ITGB4: variants seen among roughly 807,000 people sequenced by gnomAD.
The protein encoded by ITGB4 is integrin subunit beta 4.
ITGB4 carries 159 observed loss-of-function variants against 207.6 expected under a neutral mutation model. The observed-to-expected ratio is 0.77, with a 90% CI of 0.67 to 0.87. The LOEUF is 0.87. Among genes scored for constraint, ITGB4 ranks in the 40% least tolerant of loss-of-function variants. The probability of loss-of-function intolerance (pLI) is 0.00; values close to 1 mark genes in which losing one functional copy is unlikely to be tolerated. For synonymous variants in ITGB4, 1,020 were observed against 1,062.7 expected (o/e 0.96, Z 0.78); for missense variants, 2,278 against 2,546.8 (o/e 0.89, Z 2.27).
In ITGB4 at chr17:75,740,976, C is replaced by A. The variant is rs768051397; in HGVS notation, c.2610-6C>A. 1.6e-5 allele frequency: 26 copies of A among 1,613,886 alleles called. No homozygotes were observed. The South Asian group carries it at 2.9e-4, about 18-fold the overall frequency. On this transcript the variant is annotated splice_region_variant and splice_polypyrimidine_tract_variant and intron_variant, in intron 22 of 39. Transcript: ENST00000200181. The surrounding 1 kb of genome is among the most constrained non-coding windows in gnomAD (Gnocchi z 5.9). ...CTAGCTCACAGCGCCCTCTTTGTCC[C>A]CACAGGCAGCAGCCCAATGCCGGGA... is the stretch of plus-strand genomic sequence containing the variant.
rs2061342236 is a variant in ITGB4 at position 75,750,467 on chromosome 17, C to T, written c.3474+199C>T. ...CCTGAGTTTATCAGACATTTGCCCTCCTTCCTAGAATGGGGCCCCCTCCCA... is the reference window on the plus strand; with the variant it reads ...CCTGAGTTTATCAGACATTTGCCCTTCTTCCTAGAATGGGGCCCCCTCCCA... On this transcript the variant is annotated intron_variant, in intron 28 of 39. Transcript: ENST00000200181. The surrounding 1 kb of genome is among the most constrained non-coding windows in gnomAD (Gnocchi z 5.5). Among the ~76,000 whole-genome samples, 1 of 152,134 alleles carries T rather than the reference C, an allele frequency of 6.6e-6. No individual in the cohort carries two copies. Among genetic ancestry groups the T allele is most frequent in the Non-Finnish European group, 1.5e-5 (1 of 68,010 alleles).
chr17:75,754,958 ACACGCATGCACACATG>A, intron 34 of ITGB4, 143 bp downstream of exon 34: 4 of 1,454,774 alleles, frequency 2.7e-6, no homozygotes, highest in Non-Finnish European at 3.7e-6. Flanking sequence ...ACACACGTGC[ACACGCATGCACACATG>A]TACACAGACA....
Position 75,757,666 on chromosome 17 carries a change from A to G in ITGB4, c.*111A>G. 2.8e-6 allele frequency: 4 copies of G among 1,454,072 alleles called. No homozygotes were observed. The highest frequency in any genetic ancestry group is 2.0e-4 in the Middle Eastern group (1 of 5,112). The allele number at this position is 1,454,072 out of a possible 1,614,324, so 90.1% of individuals were successfully genotyped here. A position where few individuals can be genotyped will look rare whatever the true frequency, so the allele number is the denominator to read the frequency against. ...ACCCCTGGGGGCCCAGCCCACCCGC[A>G]TGCACAGAGCAGGGGCTAGGTGTCT... is the stretch of plus-strand genomic sequence containing the variant. On this transcript the variant is annotated 3_prime_UTR_variant, in exon 40 of 40. Coordinates refer to ENST00000200181, the MANE Select transcript of ITGB4 (RefSeq NM_000213.5).
intron 9 of ITGB4, 32 bp downstream of exon 9, chr17:75,730,996 C>T: frequency 6.3e-7 from 1 of 1,584,416 alleles, no homozygotes; most frequent in Non-Finnish European, 8.7e-7. Context: ...GAGTCTGAGC[C>T]CTTCTGGGGC....
At chr17:75,733,381 G>A (rs2060904516) in intron 12 of ITGB4, 109 bp from the exon 13 acceptor site, 5 of 896,948 alleles carry the variant, frequency 5.6e-6, no homozygotes, top group African/African-American at 3.7e-5. Context: ...GCGAGACTCC[G>A]TCTCAAAAAA....
chr17:75,753,793 G>T lies in ITGB4; in HGVS notation c.4137G>T (p.Leu1379=). The T allele has an allele frequency of 6.9e-6, 10 of 1,459,708 alleles. No individual in the cohort carries two copies. Among genetic ancestry groups the T allele is most frequent in the Non-Finnish European group, 9.0e-6 (10 of 1,105,880 alleles). The allele number at this position is 1,459,708 out of a possible 1,614,324, so 90.4% of individuals were successfully genotyped here. A position where few individuals can be genotyped will look rare whatever the true frequency, so the allele number is the denominator to read the frequency against. ...TGCGWKFEPL[L]GEELDLRRVT... is the part of the protein sequence containing the mutation. ...GCGGCTGGAAGTTCGAGCCCCTGCT[G>T]GGGGAGGAGCTGGACCTGCGGCGCG... Residue 1379 remains leucine, a synonymous_variant, in exon 33 of 40, where the codon CTG becomes CTT. Transcript: ENST00000200181.
chr17:75,733,489 GGA>G lies in ITGB4; in HGVS notation c.1456_1457del (p.Ser486TrpfsTer13). 1 of 1,612,874 alleles carries G rather than the reference GGA, an allele frequency of 6.2e-7. No homozygotes were observed. The highest frequency in any genetic ancestry group is 8.5e-7 in the Non-Finnish European group (1 of 1,180,014). On this transcript the variant is annotated frameshift_variant and splice_region_variant, in exon 13 of 40. Transcript: ENST00000200181. LOFTEE classifies it high-confidence loss of function. The stretch of plus-strand genomic sequence containing the variant: ...CGGGGAATGACCAGTTCCTCCTTCA[GGA>G]GTGGCCAGACCTGCAACTGCTCCAC...
rs1339118148 is a variant in ITGB4 at position 75,727,539 on chromosome 17, C to T, written c.264+34C>T. 5.6e-6 allele frequency: 9 copies of T among 1,607,738 alleles called. No individual in the cohort carries two copies. Among genetic ancestry groups the T allele is most frequent in the Non-Finnish European group, 7.6e-6 (9 of 1,176,654 alleles). On this transcript the variant is annotated intron_variant, in intron 4 of 39. Coordinates refer to ENST00000200181, the MANE Select transcript of ITGB4 (RefSeq NM_000213.5). This position sits in a 1 kb window ranked among gnomAD's most constrained non-coding sequence, Gnocchi z 6.0. ...TGTGGGGACTGGGGTGGGGGCTCCCCATGCTCAGCCTGGCTATTTATGGGG... is the reference window on the plus strand; with the variant it reads ...TGTGGGGACTGGGGTGGGGGCTCCCTATGCTCAGCCTGGCTATTTATGGGG...
chr17:75,753,958 A>T lies in ITGB4; in HGVS notation c.4302A>T (p.Thr1434=). 7.9e-7 allele frequency: 1 copy of T among 1,263,452 alleles called. No homozygotes were observed. The highest frequency in any genetic ancestry group is 1.6e-5 in the African/African-American group (1 of 64,034). The allele number at this position is 1,263,452 out of a possible 1,614,324, so 78.3% of individuals were successfully genotyped here. A position where few individuals can be genotyped will look rare whatever the true frequency, so the allele number is the denominator to read the frequency against. ...GCGGCAGCCTGCCCCGCAGTGCGAC[A>T]CCCGGGCCCCCCGGAGGTGACAGGC... ...GKGGSLPRSA[T]PGPPGEHLVN... is the part of the protein sequence containing the mutation. The change falls in exon 33 of 40, where the codon ACA becomes ACT. Residue 1434 remains threonine, a synonymous_variant. Coordinates refer to ENST00000200181, the MANE Select transcript of ITGB4 (RefSeq NM_000213.5).
chr17:75,730,201 C>T, intron 7 of ITGB4, 40 bp from the exon 8 acceptor site: 3 of 1,610,422 alleles, frequency 1.9e-6, no homozygotes, highest in Non-Finnish European at 2.5e-6. Flanking sequence ...TGTCAGCAGG[C>T]AGCCTGCTCA....
Position 75,733,579 on chromosome 17 carries a change from G to A in ITGB4, c.1544G>A (p.Arg515His), listed in dbSNP as rs61735297. ...REGEDKPCSGRGECQCGHCVC... is the reference protein window; with the variant it reads ...REGEDKPCSGHGECQCGHCVC... The stretch of plus-strand genomic sequence containing the variant: ...GGCGAGGACAAGCCGTGCTCCGGCC[G>A]TGGGGAGTGCCAGTGCGGGCACTGT... Residue 515 changes from arginine (R) to histidine (H), a missense_variant, in exon 13 of 40, where the codon CGT (arginine) becomes CAT (histidine). Arg to His is a conservative substitution (Grantham distance 29). Transcript: ENST00000200181. 0.015 allele frequency: 24,436 copies of A among 1,614,068 alleles called. 271 individuals are homozygous for A. The highest frequency in any genetic ancestry group is 0.023 in the Middle Eastern group (141 of 6,060).
intron 1 of ITGB4, among the ~76,000 whole-genome samples, chr17:75,723,808 G>A (rs1040038060): frequency 1.3e-5 from 2 of 152,230 alleles, no homozygotes; most frequent in Non-Finnish European, 2.9e-5. Context: ...AAAGAGGCGC[G>A]GTGCTCACCT....
At chr17:75,754,047 C>T (rs2061430499) in intron 33 of ITGB4, 73 bp downstream of exon 33, 2 of 701,054 alleles carry the variant, frequency 2.9e-6, no homozygotes, top group South Asian at 4.9e-5. Context: ...CTGGGGTGGG[C>T]GTCTGCGCTG....
intron 38 of ITGB4, 27 bp downstream of exon 38, chr17:75,757,134 C>T: frequency 6.2e-7 from 1 of 1,612,876 alleles, no homozygotes; most frequent in Non-Finnish European, 8.5e-7. Flanking sequence ...TCCTTCACCC[C>T]CACCCCTCCT....
intron 33 of ITGB4, 47 bp from the exon 34 acceptor site, chr17:75,754,529 C>T (rs200717512): frequency 3.1e-5 from 50 of 1,611,568 alleles, no homozygotes; most frequent in African/African-American, 1.6e-4. Context: ...CCACGGGGCC[C>T]GGGTCTGGGG....
rs1320223168 is a variant in ITGB4, at chr17:75,755,727, G to A, written c.4585G>A (p.Asp1529Asn). Residue 1529 changes from aspartate to asparagine, a missense_variant, in exon 35 of 40, where the codon GAC (aspartate) becomes AAC (asparagine). By Grantham distance (23) the Asp-to-Asn change is conservative. Coordinates refer to ENST00000200181, the MANE Select transcript of ITGB4 (RefSeq NM_000213.5). ...CTCTCGCCTGACTGCTGGTGTGCCC[G>A]ACACGCCCACCCGCCTGGTGTTCTC... ...HDSRLTAGVP[D>N]TPTRLVFSAL... 1.2e-5 allele frequency: 20 copies of A among 1,612,886 alleles called. No individual in the cohort carries two copies. The highest frequency in any genetic ancestry group is 1.7e-5 in the Admixed American group (1 of 60,020).
In ITGB4 at chr17:75,737,530, C is replaced by G. The variant is rs1180761058; in HGVS notation, c.2114-8C>G. ...AGGCACCACCTCCCCCTGCCTCCTC[C>G]TCTCCAGACTGCCCTCCGGGCTCCT... On this transcript the variant is annotated splice_region_variant and splice_polypyrimidine_tract_variant and intron_variant, in intron 17 of 39. Coordinates refer to ENST00000200181, the MANE Select transcript of ITGB4 (RefSeq NM_000213.5). 1.3e-6 allele frequency: 2 copies of G among 1,566,408 alleles called. No homozygotes were observed. Among genetic ancestry groups the G allele is most frequent in the Non-Finnish European group, 1.7e-6 (2 of 1,156,172 alleles).
In ITGB4 at chr17:75,722,799, G is replaced by T. The variant is rs1225887609; in HGVS notation, c.-11+1187G>T. On this transcript the variant is annotated intron_variant, in intron 1 of 39. Coordinates refer to ENST00000200181, the MANE Select transcript of ITGB4 (RefSeq NM_000213.5). This position sits in a 1 kb window ranked among gnomAD's most constrained non-coding sequence, Gnocchi z 6.2. ...TGTGTGTGTGTGTGTGTGTCCCTGTGGGGGGGAAACTGCCTGTGCTGCAGT... is the reference window on the plus strand; with the variant it reads ...TGTGTGTGTGTGTGTGTGTCCCTGTTGGGGGGAAACTGCCTGTGCTGCAGT... Among the ~76,000 whole-genome samples, 1 of 129,584 alleles carries T rather than the reference G, an allele frequency of 7.7e-6. No homozygotes were observed. The highest frequency in any genetic ancestry group is 2.8e-5 in the African/African-American group (1 of 35,956). The allele number at this position is 129,584 out of a possible 152,430, so 85.0% of individuals were successfully genotyped here.
chr17:75,752,535 T>C lies in ITGB4; in HGVS notation c.4066T>C (p.Ser1356Pro), dbSNP rs1257849183. 8 of 1,613,544 alleles carry C rather than the reference T, an allele frequency of 5.0e-6. No homozygotes were observed. Among genetic ancestry groups the C allele is most frequent in the Non-Finnish European group, 6.8e-6 (8 of 1,180,002 alleles). Residue 1356 changes from serine (S) to proline (P), a missense_variant, in exon 32 of 40, where the codon TCT becomes CCT. By Grantham distance (74) the Ser-to-Pro change is moderately conservative. Transcript: ENST00000200181. Reference sequence around the variant, plus strand: ...TATGTACAGCGATGACGTTCTACGCTCTCCATCGGGCAGCCAGAGGCCCAG... The same window carrying C: ...TATGTACAGCGATGACGTTCTACGCCCTCCATCGGGCAGCCAGAGGCCCAG... ...FLMYSDDVLRSPSGSQRPSVS... is the reference protein window; with the variant it reads ...FLMYSDDVLRPPSGSQRPSVS...
Sources: gnomAD v4.1 joint callset for allele counts (sites outside exome capture counted in the v4.1 genomes callset) on GRCh38, gnomAD v4.1.1 for gene constraint, Gnocchi (gnomAD v3.1) non-coding constraint, MANE v1.5 for transcripts, NCBI Gene and HGNC (gene_info 2026-07-23, HGNC 2026-07-21) for gene names.